Variants in PDE1A observed in about 807,000 individuals in gnomAD.
PDE1A encodes phosphodiesterase 1A, also known as dual specificity calcium/calmodulin-dependent 3',5'-cyclic nucleotide phosphodiesterase 1A.
A neutral mutation model predicts 61.7 loss-of-function variants in PDE1A; 35 were observed. The ratio of observed to expected loss-of-function variants is 0.57; its 90% CI spans 0.43 to 0.75. The LOEUF (loss-of-function observed/expected upper bound fraction) is 0.75, where lower values mean the gene tolerates loss of function less well. PDE1A is among the 30% of genes least tolerant of loss of function. PDE1A has a pLI of 0.00. For synonymous variants in PDE1A, 232 were observed against 213.2 expected (o/e 1.09, Z -0.77); for missense variants, 597 against 630.6 (o/e 0.95, Z 0.57).
chr2:182,571,127 G>A, the PDE1A span, among the ~76,000 whole-genome samples: 2 of 152,116 alleles, frequency 1.3e-5, no homozygotes, highest in South Asian at 2.1e-4. Context: ...TTATTTTAAT[G>A]GGTGCCAACA....
exon 13 of PDE1A, chr2:182,185,947 G>A (rs746267275): frequency 6.2e-7 from 1 of 1,614,028 alleles, no homozygotes; most frequent in South Asian, 1.1e-5. Flanking sequence ...TGTCCACCAG[G>A]TTGTTCTTGA....
At chr2:182,663,812 C>T in the PDE1A span, among the ~76,000 whole-genome samples, 2 of 151,698 alleles carry the variant, frequency 1.3e-5, no homozygotes, top group African/African-American at 4.8e-5. Context: ...CACATGTACC[C>T]CTGAACTTAA....
the PDE1A span, among the ~76,000 whole-genome samples, chr2:182,565,036 G>C: frequency 6.6e-6 from 1 of 152,118 alleles, no homozygotes; most frequent in Non-Finnish European, 1.5e-5. Context: ...TTCGTCTGAA[G>C]CCTTCTTCTC....
At position 182,264,878 on chromosome 2, in the gene PDE1A, C is replaced by CATATATATACATATAT. The variant is rs1553560270; in HGVS notation, c.54-465_54-464insATATATGTATATATAT. ...ATAAAGAAAATGTGGTATATATATA[C>CATATATATACATATAT]ATATATATATATATGTATATATATA... is the stretch of plus-strand genomic sequence containing the variant. On this transcript the variant is annotated intron_variant, in intron 1 of 13. Transcript: ENST00000351439. Among the ~76,000 whole-genome samples the CATATATATACATATAT allele has an allele frequency of 4.7e-5, 5 of 106,878 alleles. 2 individuals carry two copies. The highest frequency in any genetic ancestry group is 1.5e-4 in the African/African-American group (4 of 27,056). 70.1% of individuals were successfully genotyped at this position (106,878 alleles called of 152,430 possible).
At chr2:182,441,314 T>A (rs934888678) in intron 2 of PDE1A, among the ~76,000 whole-genome samples, 6 of 152,060 alleles carry the variant, frequency 3.9e-5, no homozygotes, top group Non-Finnish European at 7.4e-5. Context: ...TATCAGTATG[T>A]TTATTCTTCT....
the PDE1A span, among the ~76,000 whole-genome samples, chr2:182,625,615 C>G: frequency 1.3e-5 from 2 of 152,162 alleles, no homozygotes; most frequent in Admixed American, 1.3e-4. Flanking sequence ...GACCATCTCA[C>G]TGGTCCTGAC....
At chr2:182,242,925 TC>T (rs1219756778) in intron 2 of PDE1A, among the ~76,000 whole-genome samples, 1,036 of 36,798 alleles carry the variant, frequency 0.028, 16 homozygotes, top group African/African-American at 0.089. Context: ...TCTCTCTCTC[TC>T]GTGTGTGTAT....
chr2:182,326,039 C>T (rs931679967), intron 1 of PDE1A, among the ~76,000 whole-genome samples: 4 of 152,302 alleles, frequency 2.6e-5, no homozygotes, highest in African/African-American at 9.6e-5. Context: ...AGACACTTAG[C>T]ATCACTAATC....
chr2:182,682,279 G>A, the PDE1A span, among the ~76,000 whole-genome samples: 21 of 152,302 alleles, frequency 1.4e-4, no homozygotes, highest in South Asian at 4.4e-3. Flanking sequence ...CTGAGGAGAT[G>A]GGTGATCAGT....
At chr2:182,185,113 C>T (rs1332215059) in intron 13 of PDE1A, among the ~76,000 whole-genome samples, 1 of 151,914 alleles carries the variant, frequency 6.6e-6, no homozygotes, top group East Asian at 1.9e-4. Flanking sequence ...TATATTAAAG[C>T]TGCAAAAAAC....
chr2:182,194,575 G>A (rs1412037764), intron 10 of PDE1A, among the ~76,000 whole-genome samples: 1 of 152,058 alleles, frequency 6.6e-6, no homozygotes, highest in African/African-American at 2.4e-5. Flanking sequence ...ACCATTAGCA[G>A]CTTATTCAAG....
chr2:182,581,573 C>A, the PDE1A span, among the ~76,000 whole-genome samples: 1 of 152,202 alleles, frequency 6.6e-6, no homozygotes, highest in Non-Finnish European at 1.5e-5. Context: ...TGTTATAATT[C>A]TCTGTATCTC....
At chr2:182,566,648 T>C in the PDE1A span, among the ~76,000 whole-genome samples, 3 of 152,246 alleles carry the variant, frequency 2.0e-5, no homozygotes, top group South Asian at 2.1e-4. Flanking sequence ...ATTTATCTGA[T>C]AATACGTCCT....
chr2:182,357,056 A>G (rs1173778133), intron 1 of PDE1A, among the ~76,000 whole-genome samples: 1 of 152,128 alleles, frequency 6.6e-6, no homozygotes, highest in African/African-American at 2.4e-5. Flanking sequence ...GGGGAGGGAT[A>G]GCATTAGGAG....
At chr2:182,318,187 C>G (rs1413357351) in intron 1 of PDE1A, among the ~76,000 whole-genome samples, 1 of 152,050 alleles carries the variant, frequency 6.6e-6, no homozygotes, top group African/African-American at 2.4e-5. Context: ...TAATATGTCC[C>G]CTCAATATAG....
chr2:182,674,259 T>A, the PDE1A span, among the ~76,000 whole-genome samples: 1 of 151,996 alleles, frequency 6.6e-6, no homozygotes, highest in African/African-American at 2.4e-5. Flanking sequence ...GCTTTCAAAC[T>A]TGCCTCATGA....
intron 1 of PDE1A, among the ~76,000 whole-genome samples, chr2:182,285,841 T>G (rs555965740): frequency 6.6e-6 from 1 of 152,206 alleles, no homozygotes; most frequent in East Asian, 1.9e-4. Flanking sequence ...AGCAGAGGAA[T>G]AGCAGACTTG....
chr2:182,675,065 C>T, the PDE1A span, among the ~76,000 whole-genome samples: 2 of 152,082 alleles, frequency 1.3e-5, no homozygotes, highest in African/African-American at 4.8e-5. Flanking sequence ...GCTACCAAGC[C>T]TAGTACCCAA....
At chr2:182,542,584 T>C in the PDE1A span, among the ~76,000 whole-genome samples, 211 of 152,356 alleles carry the variant, frequency 1.4e-3, no homozygotes, top group East Asian at 9.8e-3. Context: ...AAATTTTTTA[T>C]AAATCTCATT....
Sources: allele counts gnomAD v4.1 joint callset (sites outside exome capture counted in the v4.1 genomes callset), GRCh38; gene constraint gnomAD v4.1.1; transcripts MANE v1.5; gene names NCBI Gene and HGNC (gene_info 2026-07-23, HGNC 2026-07-21).